The following NSRP1 variants were observed in gnomAD, a reference collection of about 807,000 sequenced individuals.
NSRP1 encodes coiled-coil domain containing 55.
A neutral mutation model predicts 54.7 loss-of-function variants in NSRP1; 24 were observed. The ratio of observed to expected loss-of-function variants is 0.44; its 90% CI spans 0.32 to 0.62. NSRP1 has a LOEUF of 0.62. Ranked by LOEUF, NSRP1 falls within the 20% of genes least tolerant of loss-of-function variation. NSRP1 has a pLI of 0.06. For synonymous variants in NSRP1, 210 were observed against 213.8 expected (o/e 0.98, Z 0.15); for missense variants, 596 against 651.2 (o/e 0.92, Z 0.92).
rs917316505 is a variant in NSRP1 at position 30,153,223 on chromosome 17, C to T, written c.115-19319C>T. ...TAAGCCACCGTGCCCGGCCTATTTT[C>T]GGCATTTTTATATCCTGTTGTATTT... is the stretch of plus-strand genomic sequence containing the variant. On this transcript the variant is annotated intron_variant, in intron 2 of 6. Coordinates refer to ENST00000247026, the MANE Select transcript of NSRP1 (RefSeq NM_032141.4). Among the ~76,000 whole-genome samples, 4 of 152,060 alleles carry T rather than the reference C, an allele frequency of 2.6e-5. No homozygotes were observed. In the East Asian group the frequency reaches 5.8e-4, roughly 22 times the overall value.
intron 2 of NSRP1, among the ~76,000 whole-genome samples, chr17:30,153,322 C>T (rs907686031): frequency 5.9e-5 from 9 of 151,838 alleles, no homozygotes; most frequent in African/African-American, 2.2e-4. Context: ...CTTTTTTTCT[C>T]TCTCTCATTT....
chr17:30,121,774 T>C (rs1356600642), intron 2 of NSRP1, among the ~76,000 whole-genome samples: 1 of 152,154 alleles, frequency 6.6e-6, no homozygotes, highest in Non-Finnish European at 1.5e-5. Context: ...TTCACCATGT[T>C]GATCAGGCTG....
At chr17:30,128,367 A>G (rs1184486730) in intron 2 of NSRP1, 1 of 152,018 alleles carries the variant, frequency 6.6e-6, no homozygotes, top group Non-Finnish European at 1.5e-5. Flanking sequence ...CAATTTTACT[A>G]TAAGAAATGT....
chr17:30,126,102 C>T (rs1167475012), intron 2 of NSRP1: 1 of 152,134 alleles, frequency 6.6e-6, no homozygotes, highest in Non-Finnish European at 1.5e-5. Context: ...TATCTGTCTT[C>T]TCAAATTATT....
chr17:30,119,806 T>G (rs2071581198), intron 2 of NSRP1, among the ~76,000 whole-genome samples: 1 of 152,164 alleles, frequency 6.6e-6, no homozygotes. Flanking sequence ...CCTGACCGGT[T>G]TTCAGTTTTT....
intron 2 of NSRP1, among the ~76,000 whole-genome samples, chr17:30,171,934 TCACA>T (rs746244255): frequency 0.021 from 2,413 of 113,204 alleles, 102 homozygotes; most frequent in African/African-American, 0.077. Flanking sequence ...TCCCCATTTC[TCACA>T]CACACACACA....
At chr17:30,157,606 G>A (rs1297472680) in intron 2 of NSRP1, among the ~76,000 whole-genome samples, 3 of 152,092 alleles carry the variant, frequency 2.0e-5, no homozygotes, top group Non-Finnish European at 4.4e-5. Flanking sequence ...GTGTTGGATA[G>A]CAGACTAGGG....
intron 2 of NSRP1, among the ~76,000 whole-genome samples, chr17:30,119,134 G>A (rs1472942252): frequency 6.6e-6 from 1 of 150,984 alleles, no homozygotes; most frequent in Non-Finnish European, 1.5e-5. Context: ...TTGTTACCTA[G>A]GCTAGAGTGG....
Position 30,186,101 on chromosome 17 carries a change from CTATT to C in NSRP1, c.*430_*433del, listed in dbSNP as rs1905526906. The C allele has an allele frequency of 6.6e-6, 1 of 152,408 alleles. No individual in the cohort carries two copies. Among genetic ancestry groups the C allele is most frequent in the South Asian group, 2.1e-4 (1 of 4,830 alleles). The allele number at this position is 152,408 out of a possible 1,614,324, so 9.4% of individuals were successfully genotyped here. A position where few individuals can be genotyped will look rare whatever the true frequency, so the allele number is the denominator to read the frequency against. ...TAGGCAGGATAATAAGACCTTGTCTCTATTTAAAAAACAAAAAGCCTAGCATGGT... is the reference window on the plus strand; with the variant it reads ...TAGGCAGGATAATAAGACCTTGTCTCTAAAAAACAAAAAGCCTAGCATGGT... On this transcript the variant is annotated 3_prime_UTR_variant, in exon 7 of 7. Coordinates refer to ENST00000247026, the MANE Select transcript of NSRP1 (RefSeq NM_032141.4).
chr17:30,139,004 G>C (rs973254260), intron 2 of NSRP1, among the ~76,000 whole-genome samples: 1 of 129,656 alleles, frequency 7.7e-6, no homozygotes, highest in East Asian at 2.7e-4. Context: ...TGCAAGCTCC[G>C]CCTCCCGGGT....
intron 2 of NSRP1, among the ~76,000 whole-genome samples, chr17:30,171,221 A>C (rs1002168840): frequency 6.6e-6 from 1 of 150,970 alleles, no homozygotes; most frequent in African/African-American, 2.4e-5. Flanking sequence ...ATATACATTT[A>C]GTTGCCTTCT....
rs546044829 is a variant in NSRP1, at chr17:30,173,943, C to A, written c.171+1345C>A. The stretch of plus-strand genomic sequence containing the variant: ...CAGTGAAATATAATGTGTAACTCAG[C>A]AGCCTCAGAATGATTTAATATACAC... On this transcript the variant is annotated intron_variant, in intron 3 of 6. Coordinates refer to ENST00000247026, the MANE Select transcript of NSRP1 (RefSeq NM_032141.4). Among the ~76,000 whole-genome samples the A allele has an allele frequency of 2.6e-5, 4 of 152,220 alleles. No homozygotes were observed. In the East Asian group the frequency reaches 7.7e-4, roughly 29 times the overall value.
intron 5 of NSRP1, among the ~76,000 whole-genome samples, chr17:30,179,587 T>C (rs1905235390): frequency 6.6e-6 from 1 of 152,218 alleles, no homozygotes; most frequent in South Asian, 2.1e-4. Flanking sequence ...TGTAAAAACA[T>C]TTATTACAAA....
At chr17:30,153,993 T>C (rs1008171836) in intron 2 of NSRP1, among the ~76,000 whole-genome samples, 4 of 152,130 alleles carry the variant, frequency 2.6e-5, no homozygotes, top group Non-Finnish European at 5.9e-5. Flanking sequence ...TGGATTGTTA[T>C]GGTTGTTTTT....
intron 2 of NSRP1, among the ~76,000 whole-genome samples, chr17:30,147,393 G>C (rs953509153): frequency 5.3e-5 from 8 of 152,020 alleles, no homozygotes; most frequent in African/African-American, 1.7e-4. Flanking sequence ...GCCTCCTAAA[G>C]TGCTGGGATT....
intron 1 of NSRP1, 162 bp downstream of exon 1, chr17:30,117,025 C>T: frequency 2.1e-6 from 2 of 949,502 alleles, no homozygotes; most frequent in Non-Finnish European, 3.4e-6. Context: ...TTCCCCTCCC[C>T]CGTACATTTT....
chr17:30,134,165 T>C (rs750216054), intron 2 of NSRP1, among the ~76,000 whole-genome samples: 3 of 152,106 alleles, frequency 2.0e-5, no homozygotes, highest in Non-Finnish European at 4.4e-5. Flanking sequence ...AAAACACCGG[T>C]TGGTGGAGCA....
intron 2 of NSRP1, among the ~76,000 whole-genome samples, chr17:30,162,752 G>T (rs4493117): frequency 1.3e-5 from 2 of 151,874 alleles, no homozygotes; most frequent in African/African-American, 4.8e-5. Flanking sequence ...AAATTTTTGT[G>T]TTAAAATAAA....
intron 2 of NSRP1, among the ~76,000 whole-genome samples, chr17:30,139,548 A>G (rs2071783794): frequency 6.6e-6 from 1 of 151,892 alleles, no homozygotes; most frequent in East Asian, 1.9e-4. Context: ...TTTTGTGTAC[A>G]GTGTGTTTGC....
Sources: allele counts gnomAD v4.1 joint callset (sites outside exome capture counted in the v4.1 genomes callset), GRCh38; gene constraint gnomAD v4.1.1; transcripts MANE v1.5; gene names NCBI Gene and HGNC (gene_info 2026-07-23, HGNC 2026-07-21).